Variants in NRXN1 observed in about 807,000 individuals in gnomAD.
NRXN1 encodes the protein neurexin 1.
A neutral mutation model predicts 150.9 loss-of-function variants in NRXN1; 39 were observed. That is an observed-to-expected ratio of 0.26 (90% CI 0.20 to 0.34). NRXN1 has a LOEUF of 0.34. Among genes scored for constraint, NRXN1 ranks in the 10% least tolerant of loss-of-function variants. NRXN1 has a pLI of 1.00. For synonymous variants in NRXN1, 924 were observed against 757.0 expected (o/e 1.22, Z -3.62); for missense variants, 1,815 against 1,949.9 (o/e 0.93, Z 1.30).
chr2:50,304,544 C>A (rs1330162806), intron 17 of NRXN1, among the ~76,000 whole-genome samples: 1 of 152,152 alleles, frequency 6.6e-6, no homozygotes, highest in Non-Finnish European at 1.5e-5. Flanking sequence ...TCAGGGACTT[C>A]TTCACTTTTT....
intron 5 of NRXN1, among the ~76,000 whole-genome samples, chr2:50,828,878 G>A (rs1328322110): frequency 4.6e-5 from 7 of 152,186 alleles, no homozygotes; most frequent in Admixed American, 1.3e-4. Context: ...CAAGGCAGGC[G>A]GCTGGGAGGT....
chr2:50,784,815 A>G lies in NRXN1; in HGVS notation c.832+137054T>C, dbSNP rs1424973695. On this transcript the variant is annotated intron_variant, in intron 5 of 22. Transcript: ENST00000401669. ...GGACCTGGACAAGGGTGATGGTAAT[A>G]GTGAGGACAGGAAGATCCATAGTGG... 5.3e-5 allele frequency among the ~76,000 whole-genome samples: 8 copies of G among 152,072 alleles called. 1 individual carries two copies. Among genetic ancestry groups the G allele is most frequent in the Admixed American group, 4.6e-4 (7 of 15,194 alleles).
chr2:50,931,153 C>A lies in NRXN1; in HGVS notation c.773-5198G>T, dbSNP rs531628586. Reference sequence around the variant, plus strand: ...ATCATTAAGATGAAAAGTAGGTGAACTCCCACTAATAAGACTAATGGTCTT... The same window carrying A: ...ATCATTAAGATGAAAAGTAGGTGAAATCCCACTAATAAGACTAATGGTCTT... On this transcript the variant is annotated intron_variant, in intron 2 of 22. Coordinates refer to ENST00000401669, the MANE Select transcript of NRXN1 (RefSeq NM_001330078.2). Among the ~76,000 whole-genome samples, 10 of 152,200 alleles carry A rather than the reference C, an allele frequency of 6.6e-5. No individual in the cohort carries two copies. The South Asian group carries it at 2.1e-3, about 32-fold the overall frequency.
intron 18 of NRXN1, among the ~76,000 whole-genome samples, chr2:50,201,612 T>C (rs2062168545): frequency 6.6e-6 from 1 of 152,184 alleles, no homozygotes; most frequent in South Asian, 2.1e-4. Context: ...CTGGTTTTAT[T>C]AGGAAAAGAA....
At chr2:50,352,117 A>T (rs2078453414) in intron 17 of NRXN1, among the ~76,000 whole-genome samples, 1 of 152,098 alleles carries the variant, frequency 6.6e-6, no homozygotes, top group Admixed American at 6.6e-5. Context: ...AAGCCCACTC[A>T]CGCCTGATGA....
intron 8 of NRXN1, among the ~76,000 whole-genome samples, chr2:50,606,961 G>A (rs962200487): frequency 6.6e-6 from 1 of 151,944 alleles, no homozygotes; most frequent in Non-Finnish European, 1.5e-5. Context: ...CAAATGAAGT[G>A]AAAAAATGCT....
At chr2:50,465,713 C>A (rs1172106836) in intron 16 of NRXN1, among the ~76,000 whole-genome samples, 152 bp from the exon 17 acceptor site, 1 of 151,834 alleles carries the variant, frequency 6.6e-6, no homozygotes, top group Admixed American at 6.6e-5. Flanking sequence ...GAATTAGGAA[C>A]TGAGAGGCTG....
intron 17 of NRXN1, among the ~76,000 whole-genome samples, chr2:50,356,503 T>A (rs557063490): frequency 1.1e-4 from 17 of 152,236 alleles, no homozygotes; most frequent in Non-Finnish European, 2.1e-4. Context: ...ATTTTCCTTT[T>A]GTAAAAGAAT....
chr2:51,016,219 C>T (rs1433681486), intron 2 of NRXN1, among the ~76,000 whole-genome samples: 4 of 152,080 alleles, frequency 2.6e-5, no homozygotes, highest in Non-Finnish European at 5.9e-5. Flanking sequence ...ATGACTAAAA[C>T]ACCAAAAGCA....
chr2:49,953,664 T>A (rs1334565753), intron 21 of NRXN1, among the ~76,000 whole-genome samples: 2 of 152,062 alleles, frequency 1.3e-5, no homozygotes, highest in Non-Finnish European at 2.9e-5. Flanking sequence ...TATATACATA[T>A]TATACATTTA....
At chr2:50,744,970 C>T (rs1398042282) in intron 5 of NRXN1, among the ~76,000 whole-genome samples, 1 of 152,202 alleles carries the variant, frequency 6.6e-6, no homozygotes, top group East Asian at 1.9e-4. Context: ...CTCCTTTGTG[C>T]TTCACATGCT....
chr2:50,848,677 T>C (rs552625191), intron 5 of NRXN1, among the ~76,000 whole-genome samples: 4 of 152,322 alleles, frequency 2.6e-5, no homozygotes, highest in African/African-American at 9.6e-5. Flanking sequence ...CAAATTATTA[T>C]ATTTTATGTC....
chr2:50,424,209 G>A (rs1286044281), intron 17 of NRXN1, among the ~76,000 whole-genome samples: 1 of 105,216 alleles, frequency 9.5e-6, no homozygotes, highest in Non-Finnish European at 1.9e-5. Context: ...GGAGGGAAGA[G>A]GAGGAGAAGG....
chr2:50,009,018 G>A (rs1685216451), intron 21 of NRXN1, among the ~76,000 whole-genome samples: 1 of 152,004 alleles, frequency 6.6e-6, no homozygotes, highest in African/African-American at 2.4e-5. Context: ...AGCTCAGGAT[G>A]GTTTCAATCA....
chr2:49,953,691 T>C (rs775893343), intron 21 of NRXN1, among the ~76,000 whole-genome samples: 1 of 152,068 alleles, frequency 6.6e-6, no homozygotes, highest in Non-Finnish European at 1.5e-5. Flanking sequence ...TATATTTATA[T>C]ATGTAATTAA....
intron 13 of NRXN1, among the ~76,000 whole-genome samples, chr2:50,501,497 AC>A (rs1380254951): frequency 6.6e-6 from 1 of 151,902 alleles, no homozygotes; most frequent in Non-Finnish European, 1.5e-5. Flanking sequence ...AAAATCATCA[AC>A]AAAAAGATAA....
In NRXN1 at chr2:50,762,864, G is replaced by T. The variant is rs73933054; in HGVS notation, c.833-139249C>A. On this transcript the variant is annotated intron_variant, in intron 5 of 22. Transcript: ENST00000401669. ...TCTTTTGGATATATATCCTTTCCTAGCCCAGTTTTCTAAGTGTCAGCCAGC... is the reference window on the plus strand; with the variant it reads ...TCTTTTGGATATATATCCTTTCCTATCCCAGTTTTCTAAGTGTCAGCCAGC... Among the ~76,000 whole-genome samples, 1,327 of 151,888 alleles carry T rather than the reference G, an allele frequency of 8.7e-3. 26 individuals carry two copies. The highest frequency in any genetic ancestry group is 0.03 in the African/African-American group (1,257 of 41,440).
intron 17 of NRXN1, among the ~76,000 whole-genome samples, chr2:50,245,460 T>C (rs1215638935): frequency 1.3e-5 from 2 of 152,000 alleles, no homozygotes; most frequent in Admixed American, 6.6e-5. Context: ...AAAAAGTCTC[T>C]GGCAAGTAAC....
chr2:50,595,407 G>A (rs538849302), intron 8 of NRXN1, among the ~76,000 whole-genome samples: 1 of 145,410 alleles, frequency 6.9e-6, no homozygotes, highest in Admixed American at 7.0e-5. Flanking sequence ...TGATTTATGG[G>A]CCAGGGTAAA....
Sources: gnomAD v4.1 joint callset for allele counts (sites outside exome capture counted in the v4.1 genomes callset) on GRCh38, gnomAD v4.1.1 for gene constraint, MANE v1.5 for transcripts, NCBI Gene and HGNC (gene_info 2026-07-23, HGNC 2026-07-21) for gene names.